Variants in PGRMC2 observed in about 807,000 individuals in gnomAD.
The protein encoded by PGRMC2 is membrane-associated progesterone receptor component 2.
A neutral mutation model predicts 19.3 loss-of-function variants in PGRMC2; 9 were observed. That is an observed-to-expected ratio of 0.47 (90% CI 0.28 to 0.81). The LOEUF is 0.81. Among genes scored for constraint, PGRMC2 ranks in the 40% least tolerant of loss-of-function variants. The pLI is 0.11. For synonymous variants in PGRMC2, 157 were observed against 124.6 expected (o/e 1.26, Z -1.73); for missense variants, 289 against 297.3 (o/e 0.97, Z 0.21).
intron 1 of PGRMC2, among the ~76,000 whole-genome samples, chr4:128,274,890 A>G (rs1760785044): frequency 6.6e-6 from 1 of 152,216 alleles, no homozygotes; most frequent in South Asian, 2.1e-4. Context: ...GAGTTTCCCA[A>G]AGTGGAAGGG....
Position 128,270,802 on chromosome 4 carries a change from T to C in PGRMC2, c.*514A>G, listed in dbSNP as rs1760716090. ...AAAAGTTTGGGAATTCACATTTTAATGTTTCAGTAGCCTGAACAACTCAAA... is the reference window on the plus strand; with the variant it reads ...AAAAGTTTGGGAATTCACATTTTAACGTTTCAGTAGCCTGAACAACTCAAA... On this transcript the variant is annotated 3_prime_UTR_variant, in exon 3 of 3. Coordinates refer to ENST00000296425, the MANE Select transcript of PGRMC2 (RefSeq NM_006320.6). 1 of 152,206 alleles carries C rather than the reference T, an allele frequency of 6.6e-6. No individual in the cohort carries two copies. Among genetic ancestry groups the C allele is most frequent in the South Asian group, 2.1e-4 (1 of 4,828 alleles). 9.4% of individuals were successfully genotyped at this position (152,206 alleles called of 1,614,324 possible). A position where few individuals can be genotyped will look rare whatever the true frequency, so the allele number is the denominator to read the frequency against.
At chr4:128,286,256 C>T (rs1023137905) in intron 1 of PGRMC2, among the ~76,000 whole-genome samples, 7 of 151,688 alleles carry the variant, frequency 4.6e-5, no homozygotes, top group Admixed American at 1.3e-4. Context: ...TTGTAGTCAC[C>T]ACTTTTTTTT....
At chr4:128,280,584 C>A (rs453871) in intron 1 of PGRMC2, among the ~76,000 whole-genome samples, 1 of 152,036 alleles carries the variant, frequency 6.6e-6, no homozygotes, top group Non-Finnish European at 1.5e-5. Context: ...TAACGCTACT[C>A]AAGAGTTGAG....
intron 1 of PGRMC2, among the ~76,000 whole-genome samples, chr4:128,284,377 TA>T (rs936874307): frequency 6.6e-6 from 1 of 152,208 alleles, no homozygotes; most frequent in Non-Finnish European, 1.5e-5. Context: ...ATTATGGAGA[TA>T]AAAAAATTAA....
In PGRMC2 at chr4:128,271,151, A is replaced by T. The variant is rs1760722798; in HGVS notation, c.*165T>A. On this transcript the variant is annotated 3_prime_UTR_variant, in exon 3 of 3. Transcript: ENST00000296425. Reference sequence around the variant, plus strand: ...AACAAATGAGTTTGGCAGCATAAATAATGTCTAGTTATTCAAATCTTCATA... The same window carrying T: ...AACAAATGAGTTTGGCAGCATAAATTATGTCTAGTTATTCAAATCTTCATA... 4.4e-6 allele frequency: 2 copies of T among 453,694 alleles called. No homozygotes were observed. The highest frequency in any genetic ancestry group is 6.9e-5 in the East Asian group (2 of 29,186). The allele number at this position is 453,694 out of a possible 1,614,324, so 28.1% of individuals were successfully genotyped here.
rs41299535 is a variant in PGRMC2 at position 128,271,175 on chromosome 4, T to C, written c.*141A>G. ...TAATGTCTAGTTATTCAAATCTTCATAGTGAGATTAATTTATCTTGTACAC... is the reference window on the plus strand; with the variant it reads ...TAATGTCTAGTTATTCAAATCTTCACAGTGAGATTAATTTATCTTGTACAC... On this transcript the variant is annotated 3_prime_UTR_variant, in exon 3 of 3. Coordinates refer to ENST00000296425, the MANE Select transcript of PGRMC2 (RefSeq NM_006320.6). The C allele has an allele frequency of 2.6e-5, 13 of 503,612 alleles. No homozygotes were observed. The highest frequency in any genetic ancestry group is 1.5e-4 in the Admixed American group (4 of 26,042). 31.2% of individuals were successfully genotyped at this position (503,612 alleles called of 1,614,324 possible).
At position 128,269,393 on chromosome 4, in the gene PGRMC2, T is replaced by C. The variant is rs1760690843; in HGVS notation, c.*1923A>G. 1 of 152,220 alleles carries C rather than the reference T, an allele frequency of 6.6e-6. No homozygotes were observed. The highest frequency in any genetic ancestry group is 1.5e-5 in the Non-Finnish European group (1 of 68,044). The allele number at this position is 152,220 out of a possible 1,614,324, so 9.4% of individuals were successfully genotyped here. A position where few individuals can be genotyped will look rare whatever the true frequency, so the allele number is the denominator to read the frequency against. Reference sequence around the variant, plus strand: ...ATTACTAGACTTTAGGCTTGAATGATTCATATATATAGATATCAGTTTACT... The same window carrying C: ...ATTACTAGACTTTAGGCTTGAATGACTCATATATATAGATATCAGTTTACT... On this transcript the variant is annotated 3_prime_UTR_variant, in exon 3 of 3. Transcript: ENST00000296425.
chr4:128,279,999 C>A (rs1377656229), intron 1 of PGRMC2, among the ~76,000 whole-genome samples: 1 of 151,992 alleles, frequency 6.6e-6, no homozygotes, highest in African/African-American at 2.4e-5. Flanking sequence ...ACGTGAGGCC[C>A]TATTTTGCAA....
chr4:128,270,349 T>C lies in PGRMC2; in HGVS notation c.*967A>G, dbSNP rs1345074864. 1 of 152,634 alleles carries C rather than the reference T, an allele frequency of 6.6e-6. No individual in the cohort carries two copies. Among genetic ancestry groups the C allele is most frequent in the Non-Finnish European group, 1.5e-5 (1 of 68,046 alleles). 9.5% of individuals were successfully genotyped at this position (152,634 alleles called of 1,614,324 possible). The stretch of plus-strand genomic sequence containing the variant: ...AAGAGTTGATTTGTTTTTCAATTTT[T>C]TTGAAAACAGAAAAGCATGGGGGAA... On this transcript the variant is annotated 3_prime_UTR_variant, in exon 3 of 3. Coordinates refer to ENST00000296425, the MANE Select transcript of PGRMC2 (RefSeq NM_006320.6).
chr4:128,287,170 AAG>A, intron 1 of PGRMC2: 1 of 463,452 alleles, frequency 2.2e-6, no homozygotes, highest in Non-Finnish European at 3.7e-6. Flanking sequence ...GTTTCGGGGG[AAG>A]AACTGGAGGT....
At chr4:128,279,080 T>C (rs112709522) in intron 1 of PGRMC2, among the ~76,000 whole-genome samples, 9,043 of 151,972 alleles carry the variant, frequency 0.06, 676 homozygotes, top group African/African-American at 0.17. Context: ...TCGTGGCGCA[T>C]GCCTGCAATC....
At position 128,271,150 on chromosome 4, in the gene PGRMC2, T is replaced by TA; in HGVS notation, c.*165dup. 1 of 453,594 alleles carries TA rather than the reference T, an allele frequency of 2.2e-6. No homozygotes were observed. Among genetic ancestry groups the TA allele is most frequent in the Non-Finnish European group, 4.0e-6 (1 of 252,532 alleles). 28.1% of individuals were successfully genotyped at this position (453,594 alleles called of 1,614,324 possible). ...CAACAAATGAGTTTGGCAGCATAAATAATGTCTAGTTATTCAAATCTTCAT... is the reference window on the plus strand; with the variant it reads ...CAACAAATGAGTTTGGCAGCATAAATAAATGTCTAGTTATTCAAATCTTCAT... On this transcript the variant is annotated 3_prime_UTR_variant, in exon 3 of 3. Coordinates refer to ENST00000296425, the MANE Select transcript of PGRMC2 (RefSeq NM_006320.6).
At chr4:128,278,275 G>A (rs1459993268) in intron 1 of PGRMC2, among the ~76,000 whole-genome samples, 1 of 152,146 alleles carries the variant, frequency 6.6e-6, no homozygotes, top group Non-Finnish European at 1.5e-5. Flanking sequence ...TTCCCCTGTT[G>A]GGGAAACATG....
At chr4:128,279,783 T>TG (rs540360263) in intron 1 of PGRMC2, among the ~76,000 whole-genome samples, 343 of 152,176 alleles carry the variant, frequency 2.3e-3, no homozygotes, top group Non-Finnish European at 3.8e-3. Flanking sequence ...ATAATTAGTG[T>TG]GGGGGGAAAG....
At position 128,270,326 on chromosome 4, in the gene PGRMC2, G is replaced by A. The variant is rs1223081527; in HGVS notation, c.*990C>T. On this transcript the variant is annotated 3_prime_UTR_variant, in exon 3 of 3. Coordinates refer to ENST00000296425, the MANE Select transcript of PGRMC2 (RefSeq NM_006320.6). The stretch of plus-strand genomic sequence containing the variant: ...AAAATTAGGCAGCTGTTGGGGATAA[G>A]AGTTGATTTGTTTTTCAATTTTTTT... The A allele has an allele frequency of 6.5e-6, 1 of 152,728 alleles. No homozygotes were observed. The highest frequency in any genetic ancestry group is 2.1e-4 in the South Asian group (1 of 4,820). 9.5% of individuals were successfully genotyped at this position (152,728 alleles called of 1,614,324 possible). A position where few individuals can be genotyped will look rare whatever the true frequency, so the allele number is the denominator to read the frequency against.
intron 1 of PGRMC2, among the ~76,000 whole-genome samples, chr4:128,275,494 G>A (rs1013869384): frequency 6.6e-6 from 1 of 152,154 alleles, no homozygotes; most frequent in African/African-American, 2.4e-5. Flanking sequence ...CTTGGTAAGA[G>A]TGAACTTGAG....
chr4:128,285,028 C>A (rs914786419), intron 1 of PGRMC2, among the ~76,000 whole-genome samples: 3 of 152,194 alleles, frequency 2.0e-5, no homozygotes, highest in Non-Finnish European at 4.4e-5. Context: ...AACCTAGGAA[C>A]TGGCAGAAAC....
Position 128,287,554 on chromosome 4 carries a change from A to AACCCCC in PGRMC2, c.236_237insGGGGGT (p.Gly79_Leu80insGlyVal). On this transcript the variant is annotated inframe_insertion, in exon 1 of 3. Transcript: ENST00000296425. ...CGCCCGCCCCGGCCCCGGCCCCCAG[A>AACCCCC]CCCCGCCGCCCCCAGCGCACCCACA... is the stretch of plus-strand genomic sequence containing the variant. 2.2e-6 allele frequency: 2 copies of AACCCCC among 924,806 alleles called. No individual in the cohort carries two copies. Among genetic ancestry groups the AACCCCC allele is most frequent in the South Asian group, 1.5e-5 (1 of 67,122 alleles). 57.3% of individuals were successfully genotyped at this position (924,806 alleles called of 1,614,324 possible).
chr4:128,278,097 C>T (rs557898120), intron 1 of PGRMC2, among the ~76,000 whole-genome samples: 1 of 152,172 alleles, frequency 6.6e-6, no homozygotes, highest in South Asian at 2.1e-4. Context: ...AAAGAAAAGA[C>T]AGAAAAATTA....
Sources: gnomAD v4.1 joint callset for allele counts (sites outside exome capture counted in the v4.1 genomes callset) on GRCh38, gnomAD v4.1.1 for gene constraint, MANE v1.5 for transcripts, NCBI Gene and HGNC (gene_info 2026-07-23, HGNC 2026-07-21) for gene names.